Variants in DIP2A observed in about 807,000 individuals in gnomAD.
DIP2A encodes DIP2 acetate--CoA ligase A.
Under a neutral mutation model 177.4 loss-of-function variants are expected in DIP2A, and 85 were observed. The ratio of observed to expected loss-of-function variants is 0.48; its 90% CI spans 0.40 to 0.57. The LOEUF is 0.57. DIP2A is among the 20% of genes least tolerant of loss of function. The probability of loss-of-function intolerance (pLI) is 0.00; values close to 1 mark genes in which losing one functional copy is unlikely to be tolerated. For synonymous variants in DIP2A, 886 were observed against 881.8 expected, an observed-to-expected ratio of 1.00 and a Z score of -0.08; for missense variants, 1,791 against 2,100.2, an observed-to-expected ratio of 0.85 and a Z score of 2.88.
chr21:46,477,561 GTGTGTGTATTTCTT>G (rs1298783924), intron 1 of DIP2A, among the ~76,000 whole-genome samples: 3 of 134,482 alleles, frequency 2.2e-5, no homozygotes, highest in Non-Finnish European at 4.9e-5. Context: ...GTGTGTGTGT[GTGTGTGTATTTCTT>G]TTTTTTTTTT....
At chr21:46,533,730 C>G (rs2059443423) in intron 11 of DIP2A, 83 bp downstream of exon 11, 7 of 1,576,266 alleles carry the variant, frequency 4.4e-6, no homozygotes, top group Non-Finnish European at 6.0e-6. Context: ...TTAAACATGA[C>G]AGAGGTGTCT....
chr21:46,560,927 C>A lies in DIP2A; in HGVS notation c.4031+144C>A. Reference sequence around the variant, plus strand: ...AGGCCTACCGGGACACCTGGATGGGCACATGAGAGGACAGCTGGCTACATT... The same window carrying A: ...AGGCCTACCGGGACACCTGGATGGGAACATGAGAGGACAGCTGGCTACATT... On this transcript the variant is annotated intron_variant, in intron 33 of 37. Coordinates refer to ENST00000417564, the MANE Select transcript of DIP2A (RefSeq NM_015151.4). 3 of 1,476,220 alleles carry A rather than the reference C, an allele frequency of 2.0e-6. No individual in the cohort carries two copies. In the South Asian group the frequency reaches 4.0e-5, roughly 20 times the overall value. The allele number at this position is 1,476,220 out of a possible 1,614,324, so 91.4% of individuals were successfully genotyped here.
In DIP2A at chr21:46,458,999, C is replaced by G. The variant is rs1044150962; in HGVS notation, c.-133C>G. On this transcript the variant is annotated 5_prime_UTR_variant, in exon 1 of 38. Transcript: ENST00000417564. ...GTTGCTGTCCTGGCCGCGCCCCTGT[C>G]CCGCCGCCTCCCGCTCCTCGCCTGG... The G allele has an allele frequency of 2.8e-6, 2 of 726,490 alleles. No homozygotes were observed. Among genetic ancestry groups the G allele is most frequent in the African/African-American group, 3.8e-5 (2 of 53,252 alleles). 45.0% of individuals were successfully genotyped at this position (726,490 alleles called of 1,614,324 possible).
At chr21:46,546,294 C>T (rs2060036353) in intron 20 of DIP2A, 1 of 1,094,900 alleles carries the variant, frequency 9.1e-7, no homozygotes, top group Admixed American at 4.8e-5. Context: ...AAAATAAATG[C>T]TTCTATTTGT....
chr21:46,561,251 C>G, intron 33 of DIP2A: 1 of 267,444 alleles, frequency 3.7e-6, no homozygotes, highest in Non-Finnish European at 7.2e-6. Context: ...AGTTATCCAT[C>G]TACTGGCAAG....
chr21:46,489,423 C>T (rs1290727768), intron 2 of DIP2A, among the ~76,000 whole-genome samples: 1 of 152,190 alleles, frequency 6.6e-6, no homozygotes, highest in Non-Finnish European at 1.5e-5. Context: ...CTCCTGCTGC[C>T]GAGCACCTGG....
In DIP2A at chr21:46,561,429, G is replaced by T; in HGVS notation, c.4032-319G>T. On this transcript the variant is annotated intron_variant, in intron 33 of 37. Coordinates refer to ENST00000417564, the MANE Select transcript of DIP2A (RefSeq NM_015151.4). ...CTGGATTCTCAAGTATGGCCACACT[G>T]TAGCTTGATGTAAACACTAGGTTTA... 3 of 403,380 alleles carry T rather than the reference G, an allele frequency of 7.4e-6. 1 individual carries two copies. The highest frequency in any genetic ancestry group is 6.5e-5 in the South Asian group (3 of 46,068). 25.0% of individuals were successfully genotyped at this position (403,380 alleles called of 1,614,324 possible). A position where few individuals can be genotyped will look rare whatever the true frequency, so the allele number is the denominator to read the frequency against.
downstream of DIP2A, among the ~76,000 whole-genome samples, chr21:46,573,237 C>A (rs955690749): frequency 6.6e-6 from 1 of 151,896 alleles, no homozygotes; most frequent in African/African-American, 2.4e-5. Context: ...TTGATAATTA[C>A]TTTATCTGTA....
intron 8 of DIP2A, among the ~76,000 whole-genome samples, chr21:46,516,174 G>T (rs1400351330): frequency 6.6e-6 from 1 of 152,096 alleles, no homozygotes; most frequent in African/African-American, 2.4e-5. Context: ...ATGACATTTA[G>T]AGGTGATGTT....
At position 46,533,569 on chromosome 21, in the gene DIP2A, GTCT is replaced by G; in HGVS notation, c.1356_1358del (p.Phe452del). 1 of 1,614,034 alleles carries G rather than the reference GTCT, an allele frequency of 6.2e-7. No individual in the cohort carries two copies. Among genetic ancestry groups the G allele is most frequent in the Non-Finnish European group, 8.5e-7 (1 of 1,179,896 alleles). Reference sequence around the variant, plus strand: ...TGGGTTTCTGCTGGGCAGCTGTGGAGTCTTCTTGGCCCTGACCACAGACGCTTG... The same window carrying G: ...TGGGTTTCTGCTGGGCAGCTGTGGAGTCTTGGCCCTGACCACAGACGCTTG... On this transcript the variant is annotated inframe_deletion, in exon 11 of 38. Transcript: ENST00000417564.
At position 46,557,059 on chromosome 21, in the gene DIP2A, T is replaced by C; in HGVS notation, c.3619T>C (p.Cys1207Arg). Residue 1207 changes from cysteine (C) to arginine (R), a missense_variant, in exon 30 of 38, where the codon TGT (cysteine) becomes CGT (arginine). Physicochemically the swap from Cys to Arg is radical, Grantham distance 180. Transcript: ENST00000417564. This position sits in a 1 kb window ranked among gnomAD's most constrained non-coding sequence, Gnocchi z 6.0. ...PYCGLGFALW[C>R]LCSVYSGHQS... is the part of the protein sequence containing the mutation. ...CTGTGGCCTTGGTTTTGCCCTGTGG[T>C]GTCTGTGCAGGTGAGTGCAGGGCCC... is the stretch of plus-strand genomic sequence containing the variant. The C allele has an allele frequency of 6.2e-7, 1 of 1,607,298 alleles. No individual in the cohort carries two copies. Among genetic ancestry groups the C allele is most frequent in the South Asian group, 1.1e-5 (1 of 89,786 alleles).
At chr21:46,559,800 T>G in intron 32 of DIP2A, among the ~76,000 whole-genome samples, 1 of 152,210 alleles carries the variant, frequency 6.6e-6, no homozygotes, top group East Asian at 1.9e-4. Flanking sequence ...GTCTCCTCCC[T>G]GTCTCACTCT....
In DIP2A at chr21:46,567,607, C is replaced by T. The variant is rs190999418; in HGVS notation, c.4701C>T (p.Val1567=). The T allele has an allele frequency of 1.1e-5, 18 of 1,601,282 alleles. No homozygotes were observed. The highest frequency in any genetic ancestry group is 4.5e-5 in the East Asian group (2 of 44,812). Reference sequence around the variant, plus strand: ...CTGACCAGCTGGACCCCATCTATGTCGCCTACAACATGTGAGCGCAGCACA... The same window carrying T: ...CTGACCAGCTGGACCCCATCTATGTTGCCTACAACATGTGAGCGCAGCACA... The part of the protein sequence containing the change: ...FLADQLDPIY[V]AYNM Residue 1567 remains valine, a synonymous_variant, in exon 38 of 38, where the codon GTC becomes GTT. Transcript: ENST00000417564.
chr21:46,489,883 G>A (rs2056906531), intron 2 of DIP2A, among the ~76,000 whole-genome samples: 1 of 152,172 alleles, frequency 6.6e-6, no homozygotes, highest in African/African-American at 2.4e-5. Flanking sequence ...TCACCGTAAT[G>A]TGTCTTGAGG....
rs57388012 is a variant in DIP2A at position 46,549,740 on chromosome 21, C to T, written c.2523-31C>T. 7.1e-3 allele frequency: 11,471 copies of T among 1,610,976 alleles called. 601 individuals carry two copies. In the African/African-American group the frequency reaches 0.13, roughly 18 times the overall value. On this transcript the variant is annotated intron_variant, in intron 21 of 37. Coordinates refer to ENST00000417564, the MANE Select transcript of DIP2A (RefSeq NM_015151.4). ...ATCTGTGTCTTGTTTGGCCTCTTGC[C>T]GTGTGGCCATTTCCATGTCTCATCC...
chr21:46,554,449 G>A (rs1213810463), intron 26 of DIP2A, 126 bp from the exon 27 acceptor site: 8 of 1,538,824 alleles, frequency 5.2e-6, no homozygotes, highest in Non-Finnish European at 7.0e-6. Context: ...CTACCCCTGT[G>A]GAAACCCAGG....
At position 46,556,533 on chromosome 21, in the gene DIP2A, A is replaced by G. The variant is rs1374972107; in HGVS notation, c.3499-406A>G. On this transcript the variant is annotated intron_variant, in intron 29 of 37. Coordinates refer to ENST00000417564, the MANE Select transcript of DIP2A (RefSeq NM_015151.4). The surrounding 1 kb of genome is among the most constrained non-coding windows in gnomAD (Gnocchi z 4.5). ...CCCGTCTCTACTAAAAATACAAAAA[A>G]TTAGCTGGGCATGGTGGCAGGTGCC... 1.3e-5 allele frequency: 6 copies of G among 456,090 alleles called. No homozygotes were observed. The East Asian group carries it at 3.5e-4, about 27-fold the overall frequency. The allele number at this position is 456,090 out of a possible 1,614,324, so 28.3% of individuals were successfully genotyped here.
At chr21:46,472,301 TA>T (rs1187350920) in intron 1 of DIP2A, among the ~76,000 whole-genome samples, 1 of 152,114 alleles carries the variant, frequency 6.6e-6, no homozygotes, top group African/African-American at 2.4e-5. Context: ...TGTGAGAAAA[TA>T]AATGTCTGTT....
intron 8 of DIP2A, among the ~76,000 whole-genome samples, chr21:46,514,617 CTTTTTTT>C (rs752628688): frequency 5.8e-4 from 41 of 70,520 alleles, no homozygotes; most frequent in South Asian, 4.6e-3. Flanking sequence ...AACTTTTATT[CTTTTTTT>C]TTTTTTTTTT....
Sources: gnomAD v4.1 joint callset for allele counts (sites outside exome capture counted in the v4.1 genomes callset) on GRCh38, gnomAD v4.1.1 for gene constraint, Gnocchi (gnomAD v3.1) non-coding constraint, MANE v1.5 for transcripts, NCBI Gene and HGNC (gene_info 2026-07-23, HGNC 2026-07-21) for gene names.